The following MARS1 variants were observed in gnomAD, a reference collection of about 807,000 sequenced individuals.
The protein encoded by MARS1 is methionine--tRNA ligase, cytoplasmic.
Under a neutral mutation model 119.5 loss-of-function variants are expected in MARS1, and 80 were observed. The observed-to-expected ratio is 0.67, with a 90% CI of 0.56 to 0.81. The LOEUF (loss-of-function observed/expected upper bound fraction) is 0.81, where lower values mean the gene tolerates loss of function less well. Among genes scored for constraint, MARS1 ranks in the 30% least tolerant of loss-of-function variants. MARS1 has a pLI of 0.00. For missense variants in MARS1, 945 were observed against 1,116.5 expected (o/e 0.85, Z 2.19); for synonymous variants, 418 against 433.4 (o/e 0.96, Z 0.44).
In MARS1 at chr12:57,490,373, G is replaced by C; in HGVS notation, c.657G>C (p.Glu219Asp). 1.2e-6 allele frequency: 2 copies of C among 1,612,594 alleles called. No homozygotes were observed. The highest frequency in any genetic ancestry group is 1.7e-6 in the Non-Finnish European group (2 of 1,179,986). Residue 219 changes from glutamate (E) to aspartate (D), a missense_variant, in exon 6 of 21, where the codon GAG becomes GAC. Physicochemically the swap from Glu to Asp is conservative, Grantham distance 45. Transcript: ENST00000262027. Reference sequence around the variant, plus strand: ...CTGAGGGAAGGGCTGTCACCAATGAGCCTGAGGTTTGGAATAGGGCAGAGC... The same window carrying C: ...CTGAGGGAAGGGCTGTCACCAATGACCCTGAGGTTTGGAATAGGGCAGAGC... Reference protein sequence around the residue: ...SPAEGRAVTNEPEEEELATLS... With the variant: ...SPAEGRAVTNDPEEEELATLS...
chr12:57,508,127 A>G (rs1168464191), intron 11 of MARS1, among the ~76,000 whole-genome samples: 3 of 150,552 alleles, frequency 2.0e-5, no homozygotes, highest in Admixed American at 6.6e-5. Flanking sequence ...GGCGCTCCTC[A>G]CTTCCTAGAT....
In MARS1 at chr12:57,512,331, G is replaced by A. The variant is rs773313017; in HGVS notation, c.1731G>A (p.Leu577=). 1.4e-5 allele frequency: 23 copies of A among 1,613,842 alleles called. No individual in the cohort carries two copies. Among genetic ancestry groups the A allele is most frequent in the Non-Finnish European group, 1.9e-5 (23 of 1,179,812 alleles). The change falls in exon 14 of 21, where the codon TTG becomes TTA. Residue 577 remains leucine (L), a synonymous_variant. Transcript: ENST00000262027. ...SALGAEDNYT[L]VSHLIATEYL... ...TAGGAGCTGAGGATAACTATACCTT[G>A]GTCAGCCACCTCATTGCTACAGGTA...
At position 57,493,928 on chromosome 12, in the gene MARS1, A is replaced by G. The variant is rs1414751310; in HGVS notation, c.770+3284A>G. On this transcript the variant is annotated intron_variant, in intron 7 of 20. Coordinates refer to ENST00000262027, the MANE Select transcript of MARS1 (RefSeq NM_004990.4). ...ATAATATATATAATATATATAATATATATTATATATTATATATATATTTTT... is the reference window on the plus strand; with the variant it reads ...ATAATATATATAATATATATAATATGTATTATATATTATATATATATTTTT... Among the ~76,000 whole-genome samples, 6 of 65,978 alleles carry G rather than the reference A, an allele frequency of 9.1e-5. 1 individual carries two copies. Among genetic ancestry groups the G allele is most frequent in the African/African-American group, 2.8e-4 (4 of 14,162 alleles). The allele number at this position is 65,978 out of a possible 152,430, so 43.3% of individuals were successfully genotyped here. A position where few individuals can be genotyped will look rare whatever the true frequency, so the allele number is the denominator to read the frequency against.
At position 57,516,049 on chromosome 12, in the gene MARS1, A is replaced by T. The variant is rs1393484399; in HGVS notation, c.2463+58A>T. On this transcript the variant is annotated intron_variant, in intron 19 of 20. Transcript: ENST00000262027. The stretch of plus-strand genomic sequence containing the variant: ...CAACAGCCACAGCATCACTTCCCTA[A>T]TTTCCCTAAGTAGTCCTCACCCATC... The T allele has an allele frequency of 3.8e-6, 6 of 1,559,602 alleles. No homozygotes were observed. The South Asian group carries it at 6.7e-5, about 17-fold the overall frequency.
In MARS1 at chr12:57,511,629, A is replaced by G. The variant is rs747339; in HGVS notation, c.1369-69A>G. On this transcript the variant is annotated intron_variant, in intron 11 of 20. Coordinates refer to ENST00000262027, the MANE Select transcript of MARS1 (RefSeq NM_004990.4). Reference sequence around the variant, plus strand: ...CCAAATTGTGCTCCAAAAAGGTTATATGTGTTTATCCTTATGCTAACCATA... The same window carrying G: ...CCAAATTGTGCTCCAAAAAGGTTATGTGTGTTTATCCTTATGCTAACCATA... 0.012 allele frequency: 17,933 copies of G among 1,546,664 alleles called. 1,610 individuals carry two copies. The African/African-American group carries it at 0.2, about 18-fold the overall frequency.
At chr12:57,504,423 C>A in intron 11 of MARS1, 124 bp downstream of exon 11, 1 of 766,398 alleles carries the variant, frequency 1.3e-6, no homozygotes, top group South Asian at 1.6e-5. Flanking sequence ...ATTGTACATA[C>A]TATTGTCAAG....
At chr12:57,501,778 C>T (rs747839302) in intron 10 of MARS1, among the ~76,000 whole-genome samples, 20 of 151,088 alleles carry the variant, frequency 1.3e-4, no homozygotes, top group Non-Finnish European at 2.2e-4. Context: ...GCTGAGATTG[C>T]GCCACTGCAT....
At chr12:57,499,066 C>T (rs1709874) in intron 9 of MARS1, among the ~76,000 whole-genome samples, 27,245 of 136,588 alleles carry the variant, frequency 0.2, 2,664 homozygotes, top group East Asian at 0.32. Flanking sequence ...GGCGGCTCAC[C>T]GGAGGTCAGG....
rs986239126 is a variant in MARS1 at position 57,512,922 on chromosome 12, A to G, written c.1925A>G (p.Asn642Ser). The change falls in exon 15 of 21, where the codon AAT becomes AGT. Residue 642 changes from asparagine (N) to serine (S), a missense_variant. Physicochemically the swap from Asn to Ser is conservative, Grantham distance 46. Transcript: ENST00000262027. ...AFSWTDLLLK[N>S]NSELLNNLGN... The stretch of plus-strand genomic sequence containing the variant: ...TCCTGGACGGACCTGCTGCTGAAGA[A>G]TAATTCTGAGCTGCTTAACAACCTG... 6.2e-6 allele frequency: 10 copies of G among 1,614,106 alleles called. No individual in the cohort carries two copies. The highest frequency in any genetic ancestry group is 8.5e-6 in the Non-Finnish European group (10 of 1,180,048).
At chr12:57,494,448 C>T (rs1262385410) in intron 7 of MARS1, among the ~76,000 whole-genome samples, 1 of 149,216 alleles carries the variant, frequency 6.7e-6, no homozygotes, top group East Asian at 1.9e-4. Flanking sequence ...CTGTCTCAGC[C>T]TCCTGAGTAG....
intron 4 of MARS1, 165 bp downstream of exon 4, chr12:57,489,723 G>A (rs1406893450): frequency 2.2e-5 from 25 of 1,117,070 alleles, no homozygotes; most frequent in Non-Finnish European, 3.0e-5. Flanking sequence ...GTTGTGAAAT[G>A]GGATAATATT....
chr12:57,489,337 G>T lies in MARS1; in HGVS notation c.271G>T (p.Glu91Ter), dbSNP rs369551432. 10 of 1,613,950 alleles carry T rather than the reference G, an allele frequency of 6.2e-6. No individual in the cohort carries two copies. The highest frequency in any genetic ancestry group is 8.5e-6 in the Non-Finnish European group (10 of 1,180,038). Residue 91 changes from glutamate to a stop codon, truncating the protein, a stop_gained, in exon 3 of 21, where the codon GAG becomes TAG. Coordinates refer to ENST00000262027, the MANE Select transcript of MARS1 (RefSeq NM_004990.4). LOFTEE classifies it high-confidence loss of function. The part of the protein sequence containing the change: ...TNQWLEWEAT[E>*]LQPALSAALY... The stretch of plus-strand genomic sequence containing the variant: ...CCAGTGGCTGGAATGGGAAGCGACA[G>T]AGCTGCAGGTAGGACTAAGGTATGG...
intron 1 of MARS1, 143 bp downstream of exon 1, chr12:57,488,342 C>T: frequency 2.6e-6 from 2 of 779,010 alleles, no homozygotes; most frequent in Non-Finnish European, 4.1e-6. Flanking sequence ...GATCACTCCA[C>T]GCCTTCTTCC....
intron 11 of MARS1, among the ~76,000 whole-genome samples, chr12:57,511,109 C>G (rs1877491785): frequency 6.7e-6 from 1 of 149,982 alleles, no homozygotes; most frequent in South Asian, 2.1e-4. Flanking sequence ...GAATGACATG[C>G]AAACTTGTGA....
chr12:57,501,175 G>C (rs146746399), intron 10 of MARS1, among the ~76,000 whole-genome samples: 48 of 152,358 alleles, frequency 3.2e-4, no homozygotes, highest in African/African-American at 1.1e-3. Context: ...AAATGCAAAG[G>C]CCATGAGGCA....
chr12:57,515,800 C>T, intron 18 of MARS1, 120 bp from the exon 19 acceptor site: 1 of 740,920 alleles, frequency 1.3e-6, no homozygotes, highest in South Asian at 1.8e-5. Context: ...GATATTAGCT[C>T]AGTGTTAAGC....
intron 10 of MARS1, 71 bp from the exon 11 acceptor site, chr12:57,504,154 G>A: frequency 4.9e-6 from 5 of 1,023,714 alleles, no homozygotes; most frequent in Non-Finnish European, 7.8e-6. Flanking sequence ...ATCCTTCTCT[G>A]CTCCTCCCCT....
chr12:57,493,305 ATATATAT>A (rs1565639337), intron 7 of MARS1, among the ~76,000 whole-genome samples: 1 of 108,910 alleles, frequency 9.2e-6, no homozygotes, highest in Admixed American at 1.5e-4. Context: ...TATATATATA[ATATATAT>A]TATATAATAT....
intron 11 of MARS1, among the ~76,000 whole-genome samples, chr12:57,507,444 C>A: frequency 1.3e-5 from 1 of 76,822 alleles, no homozygotes; most frequent in Middle Eastern, 8.3e-3. Flanking sequence ...AGAGGCGCCC[C>A]TCACCTCCCG....
Sources: gnomAD v4.1 joint callset for allele counts (sites outside exome capture counted in the v4.1 genomes callset) on GRCh38, gnomAD v4.1.1 for gene constraint, MANE v1.5 for transcripts, NCBI Gene and HGNC (gene_info 2026-07-23, HGNC 2026-07-21) for gene names.